PARG: variants seen among roughly 807,000 people sequenced by gnomAD.
PARG encodes the protein mitochondrial poly(ADP-ribose) glycohydrolase.
Under a neutral mutation model 113.0 loss-of-function variants are expected in PARG, and 35 were observed. The ratio of observed to expected loss-of-function variants is 0.31; its 90% confidence interval spans 0.24 to 0.41. The LOEUF (loss-of-function observed/expected upper bound fraction) is 0.41. Ranked by LOEUF, PARG falls within the 10% of genes least tolerant of loss-of-function variation. The probability of loss-of-function intolerance (pLI) is 1.00; values close to 1 mark genes in which losing one functional copy is unlikely to be tolerated. For synonymous variants in PARG, 330 were observed against 409.9 expected (o/e 0.81, Z 2.36); for missense variants, 797 against 1,169.4 (o/e 0.68, Z 4.64).
chr10:49,841,803 C>T (rs1185430088), intron 15 of PARG, 147 bp downstream of exon 15: 2 of 615,930 alleles, frequency 3.2e-6, no homozygotes, highest in Non-Finnish European at 5.7e-6. Context: ...ACATCTTGTA[C>T]AAGCTGACAG....
intron 12 of PARG, among the ~76,000 whole-genome samples, chr10:49,858,269 T>C (rs1588906350): frequency 7.6e-6 from 1 of 130,838 alleles, no homozygotes; most frequent in East Asian, 2.3e-4. Context: ...GCCAGCCTCA[T>C]GAAGCAGTAT....
chr10:49,848,481 G>A (rs1554833695), intron 13 of PARG, among the ~76,000 whole-genome samples: 2 of 146,012 alleles, frequency 1.4e-5, no homozygotes, highest in Non-Finnish European at 3.0e-5. Flanking sequence ...AGAGTTTCCA[G>A]TCTATTATTT....
At chr10:49,913,857 T>G (rs1267492531) in intron 7 of PARG, among the ~76,000 whole-genome samples, 1 of 152,140 alleles carries the variant, frequency 6.6e-6, no homozygotes. Context: ...GAGCTGAGAT[T>G]GTGCCGCTGC....
chr10:49,889,327 G>A (rs1216181573), intron 7 of PARG, among the ~76,000 whole-genome samples: 9 of 152,124 alleles, frequency 5.9e-5, no homozygotes, highest in Non-Finnish European at 4.4e-5. Context: ...GCCAGAGCAG[G>A]CTTTCTGTGA....
intron 7 of PARG, among the ~76,000 whole-genome samples, chr10:49,902,895 C>T (rs1487530319): frequency 1.2e-4 from 18 of 151,404 alleles, no homozygotes; most frequent in Admixed American, 9.9e-4. Flanking sequence ...TGCAATGGCG[C>T]GATCTCGGCT....
rs550058757 is a variant in PARG at position 49,907,444 on chromosome 10, A to G, written c.1737+8473T>C. Among the ~76,000 whole-genome samples the G allele has an allele frequency of 1.0e-3, 157 of 152,270 alleles. 3 individuals are homozygous for G. The South Asian group carries it at 0.03, about 29-fold the overall frequency. Reference sequence around the variant, plus strand: ...CAGCACTAACAGCACCCCCTCATATAAAAGGACCAATGGACCTATTTAGTC... The same window carrying G: ...CAGCACTAACAGCACCCCCTCATATGAAAGGACCAATGGACCTATTTAGTC... On this transcript the variant is annotated intron_variant, in intron 7 of 17. Transcript: ENST00000616448.
chr10:49,916,924 G>T (rs1554847789), intron 6 of PARG, among the ~76,000 whole-genome samples: 1 of 151,890 alleles, frequency 6.6e-6, no homozygotes, highest in South Asian at 2.1e-4. Context: ...TCCAAATTTC[G>T]TTATCATTGA....
intron 9 of PARG, among the ~76,000 whole-genome samples, chr10:49,870,093 T>C (rs1180798753): frequency 2.6e-5 from 4 of 151,884 alleles, no homozygotes; most frequent in Admixed American, 6.6e-5. Context: ...GACTGAATGT[T>C]TGTGACCTCT....
chr10:49,834,025 T>C (rs781929580), intron 15 of PARG, among the ~76,000 whole-genome samples: 1 of 152,084 alleles, frequency 6.6e-6, no homozygotes, highest in African/African-American at 2.4e-5. Flanking sequence ...TTCCATACCC[T>C]CCTAGACTGT....
At chr10:49,910,463 C>G (rs1837111426) in intron 7 of PARG, among the ~76,000 whole-genome samples, 1 of 152,100 alleles carries the variant, frequency 6.6e-6, no homozygotes, top group African/African-American at 2.4e-5. Flanking sequence ...TCCTCTCCTT[C>G]CTGTACTCCT....
rs1450248104 is a variant in PARG, at chr10:49,932,203, T to C, written c.1352A>G (p.Lys451Arg). The C allele has an allele frequency of 1.0e-5, 16 of 1,602,064 alleles. No homozygotes were observed. The highest frequency in any genetic ancestry group is 1.1e-5 in the Non-Finnish European group (13 of 1,169,076). Residue 451 changes from lysine to arginine, a missense_variant, in exon 4 of 18, where the codon AAG becomes AGG. Lys to Arg is a conservative substitution (Grantham distance 26). Around this residue, in one of 5 missense-constraint regions of PARG, gnomAD observed 252 missense variants for 437.4 expected, o/e 0.58. Coordinates refer to ENST00000616448, the MANE Select transcript of PARG (RefSeq NM_003631.5). ...KYVPPHLSPD[K>R]KWLGTPIEEM... is the part of the protein sequence containing the mutation. ...CTCAATGGGAGTTCCAAGCCACTTC[T>C]TATCTGGAGAAAGGTGAGGTGGAAC...
At chr10:49,883,154 A>G (rs565768833) in intron 8 of PARG, among the ~76,000 whole-genome samples, 4 of 152,370 alleles carry the variant, frequency 2.6e-5, no homozygotes, top group South Asian at 4.1e-4. Flanking sequence ...ATGGGTCTCA[A>G]CTGAAGGTGG....
intron 7 of PARG, among the ~76,000 whole-genome samples, chr10:49,900,549 GTTC>G (rs1382619696): frequency 3.3e-5 from 5 of 151,556 alleles, no homozygotes; most frequent in South Asian, 2.1e-4. Flanking sequence ...CATGAAGGAA[GTTC>G]TTCTTTAAAC....
chr10:49,912,117 T>C (rs1417949078), intron 7 of PARG, among the ~76,000 whole-genome samples: 1 of 151,608 alleles, frequency 6.6e-6, no homozygotes, highest in Non-Finnish European at 1.5e-5. Flanking sequence ...CTGGCCAATA[T>C]AGTGAAACCC....
chr10:49,937,207 T>G (rs1838790128), intron 1 of PARG, among the ~76,000 whole-genome samples: 1 of 152,234 alleles, frequency 6.6e-6, no homozygotes, highest in Admixed American at 6.5e-5. Flanking sequence ...CCGGGCGCAG[T>G]GGCTTATGCC....
intron 7 of PARG, among the ~76,000 whole-genome samples, chr10:49,892,892 G>A (rs1335546476): frequency 1.3e-5 from 2 of 152,046 alleles, no homozygotes; most frequent in Non-Finnish European, 2.9e-5. Context: ...GACCAGCCTG[G>A]GCAAGATGGT....
At position 49,819,085 on chromosome 10, in the gene PARG, A is replaced by C; in HGVS notation, c.*255T>G. 3.1e-6 allele frequency: 1 copy of C among 320,110 alleles called. No individual in the cohort carries two copies. The highest frequency in any genetic ancestry group is 6.6e-5 in the South Asian group (1 of 15,242). 19.8% of individuals were successfully genotyped at this position (320,110 alleles called of 1,614,324 possible). A position where few individuals can be genotyped will look rare whatever the true frequency, so the allele number is the denominator to read the frequency against. On this transcript the variant is annotated 3_prime_UTR_variant, in exon 18 of 18. Transcript: ENST00000616448. ...AAGAGATCTGATGGACAAAAGAAAT[A>C]AACATCAAAGAATGAAAAACTGAAA...
At chr10:49,921,217 G>A (rs1837850979) in intron 6 of PARG, among the ~76,000 whole-genome samples, 1 of 152,116 alleles carries the variant, frequency 6.6e-6, no homozygotes, top group Non-Finnish European at 1.5e-5. Flanking sequence ...GAATTAATAC[G>A]TAATCAACTG....
chr10:49,890,026 C>T (rs1372096112), intron 7 of PARG, among the ~76,000 whole-genome samples: 2 of 152,132 alleles, frequency 1.3e-5, no homozygotes, highest in Non-Finnish European at 2.9e-5. Context: ...TTAAGATGTA[C>T]GTCATTTCTT....
Sources: allele counts gnomAD v4.1 joint callset (sites outside exome capture counted in the v4.1 genomes callset), GRCh38; gene constraint gnomAD v4.1.1; regional missense constraint gnomAD v4.1.1; transcripts MANE v1.5; gene names NCBI Gene and HGNC (gene_info 2026-07-23, HGNC 2026-07-21).